CHMP3: variants seen among roughly 807,000 people sequenced by gnomAD.
The protein encoded by CHMP3 is charged multivesicular body protein 3, also known as 25.1 protein.
In CHMP3, 8 loss-of-function variants were observed where a neutral mutation model predicts 27.4. The ratio of observed to expected loss-of-function variants is 0.29; its 90% CI spans 0.17 to 0.53. CHMP3 has a LOEUF of 0.53. CHMP3 is among the 20% of genes least tolerant of loss of function. The pLI is 0.96. For missense variants in CHMP3, 208 were observed against 271.5 expected (o/e 0.77, Z 1.64); for synonymous variants, 86 against 85.5 (o/e 1.01, Z -0.03).
At chr2:86,560,045 C>T (rs974732632) in intron 1 of CHMP3, among the ~76,000 whole-genome samples, 1 of 152,144 alleles carries the variant, frequency 6.6e-6, no homozygotes, top group African/African-American at 2.4e-5. Flanking sequence ...GCGGGCAGAT[C>T]ACGAGGTCAG....
At chr2:86,562,685 A>G (rs1287592063) in intron 1 of CHMP3, 1 of 152,180 alleles carries the variant, frequency 6.6e-6, no homozygotes, top group Non-Finnish European at 1.5e-5. Flanking sequence ...TTGCCTCCCA[A>G]TATTATCTCA....
chr2:86,523,041 C>G (rs191728330), intron 3 of CHMP3, among the ~76,000 whole-genome samples: 1 of 152,252 alleles, frequency 6.6e-6, no homozygotes, highest in Admixed American at 6.5e-5. Context: ...TGCACTTTAT[C>G]TGCATTGCTA....
At chr2:86,520,019 T>G (rs1269903777) in intron 3 of CHMP3, among the ~76,000 whole-genome samples, 1 of 152,214 alleles carries the variant, frequency 6.6e-6, no homozygotes, top group Non-Finnish European at 1.5e-5. Context: ...GTGTGTGGTA[T>G]GTATAAAATG....
chr2:86,512,259 A>AC (rs976574856), intron 3 of CHMP3: 2 of 152,216 alleles, frequency 1.3e-5, no homozygotes, highest in African/African-American at 2.4e-5. Context: ...AAAAGGGCCT[A>AC]CAGGAGGCAG....
In CHMP3 at chr2:86,526,924, G is replaced by A. The variant is rs148365814; in HGVS notation, c.286+2294C>T. ...ACGATGATAAATGGAGCAAAAAGAC[G>A]CAGAATGGTATCTATAGTATGATAC... On this transcript the variant is annotated intron_variant, in intron 3 of 5. Coordinates refer to ENST00000263856, the MANE Select transcript of CHMP3 (RefSeq NM_016079.4). The A allele has an allele frequency of 5.9e-5, 9 of 152,092 alleles. No homozygotes were observed. The East Asian group carries it at 1.4e-3, about 23-fold the overall frequency. 9.4% of individuals were successfully genotyped at this position (152,092 alleles called of 1,614,324 possible). A position where few individuals can be genotyped will look rare whatever the true frequency, so the allele number is the denominator to read the frequency against.
chr2:86,522,251 G>C (rs2103921957), intron 3 of CHMP3, among the ~76,000 whole-genome samples: 1 of 152,242 alleles, frequency 6.6e-6, no homozygotes, highest in African/African-American at 2.4e-5. Context: ...GGTGGGATGG[G>C]GCCATAGAAA....
Position 86,526,661 on chromosome 2 carries a change from G to GCT in CHMP3, c.286+2555_286+2556dup, listed in dbSNP as rs140412089. Among the ~76,000 whole-genome samples the GCT allele has an allele frequency of 4.4e-3, 659 of 150,958 alleles. 5 individuals are homozygous for GCT. The highest frequency in any genetic ancestry group is 0.014 in the African/African-American group (564 of 41,194). On this transcript the variant is annotated intron_variant, in intron 3 of 5. Transcript: ENST00000263856. ...AGTTCAAATCAATGGACTAGAGCATGCTCTCTCTCTCTCTCTCTCTCTATA... is the reference window on the plus strand; with the variant it reads ...AGTTCAAATCAATGGACTAGAGCATGCTCTCTCTCTCTCTCTCTCTCTCTATA...
At chr2:86,542,079 ATCTT>A (rs780676342) in intron 2 of CHMP3, among the ~76,000 whole-genome samples, 169 bp downstream of exon 2, 168 of 152,292 alleles carry the variant, frequency 1.1e-3, no homozygotes, top group Non-Finnish European at 1.6e-3. Flanking sequence ...CTAACTCATT[ATCTT>A]TTTTTAATAC....
intron 3 of CHMP3, among the ~76,000 whole-genome samples, chr2:86,513,825 C>T (rs1245722134): frequency 2.0e-5 from 3 of 152,210 alleles, no homozygotes; most frequent in Non-Finnish European, 4.4e-5. Flanking sequence ...ATCTACAAAA[C>T]CAACCTGCCA....
chr2:86,544,365 T>C (rs867751219), intron 1 of CHMP3, among the ~76,000 whole-genome samples: 9 of 151,876 alleles, frequency 5.9e-5, no homozygotes, highest in East Asian at 1.9e-4. Flanking sequence ...TTAGTACTTA[T>C]TGATCATTCT....
chr2:86,520,542 T>C (rs532203753), intron 3 of CHMP3, among the ~76,000 whole-genome samples: 1 of 152,286 alleles, frequency 6.6e-6, no homozygotes, highest in African/African-American at 2.4e-5. Flanking sequence ...AGGATCACAA[T>C]TCAACATGAG....
intron 1 of CHMP3, among the ~76,000 whole-genome samples, chr2:86,559,683 T>C (rs1677269841): frequency 6.6e-6 from 1 of 152,174 alleles, no homozygotes; most frequent in Admixed American, 6.5e-5. Context: ...CAAAACTGAA[T>C]GGGTACCTTG....
At position 86,503,712 on chromosome 2, in the gene CHMP3, A is replaced by G. The variant is rs1162679160; in HGVS notation, c.*2092T>C. 1 of 152,246 alleles carries G rather than the reference A, an allele frequency of 6.6e-6. No homozygotes were observed. The highest frequency in any genetic ancestry group is 1.5e-5 in the Non-Finnish European group (1 of 68,044). 9.4% of individuals were successfully genotyped at this position (152,246 alleles called of 1,614,324 possible). A position where few individuals can be genotyped will look rare whatever the true frequency, so the allele number is the denominator to read the frequency against. ...AGCCAGTCTGAAAAGGCTACATACTATATGATTCCAATATGACATTCTAGA... is the reference window on the plus strand; with the variant it reads ...AGCCAGTCTGAAAAGGCTACATACTGTATGATTCCAATATGACATTCTAGA... On this transcript the variant is annotated 3_prime_UTR_variant, in exon 6 of 6. Coordinates refer to ENST00000263856, the MANE Select transcript of CHMP3 (RefSeq NM_016079.4).
intron 3 of CHMP3, among the ~76,000 whole-genome samples, chr2:86,528,177 C>A (rs529740568): frequency 6.6e-6 from 1 of 152,010 alleles, no homozygotes; most frequent in Non-Finnish European, 1.5e-5. Flanking sequence ...ACCTTCAGAA[C>A]GAAATACAAC....
At chr2:86,521,450 C>G (rs931125634) in intron 3 of CHMP3, among the ~76,000 whole-genome samples, 2 of 152,108 alleles carry the variant, frequency 1.3e-5, no homozygotes, top group Non-Finnish European at 2.9e-5. Context: ...AAATTTGTAA[C>G]TTTTATCCAT....
chr2:86,561,115 GAAGTT>G lies in CHMP3; in HGVS notation c.45+2184_45+2188del, dbSNP rs964583629. Among the ~76,000 whole-genome samples, 14 of 152,316 alleles carry G rather than the reference GAAGTT, an allele frequency of 9.2e-5. No individual in the cohort carries two copies. In the South Asian group the frequency reaches 1.9e-3, roughly 20 times the overall value. ...CTTAAAATGTTTATCTTACTTGCTA[GAAGTT>G]AAGTTCTTTGGCTTCTTATTTCACC... On this transcript the variant is annotated intron_variant, in intron 1 of 5. Transcript: ENST00000263856.
chr2:86,533,976 A>C (rs1030507705), intron 2 of CHMP3, among the ~76,000 whole-genome samples: 1 of 152,046 alleles, frequency 6.6e-6, no homozygotes, highest in South Asian at 2.1e-4. Context: ...ATTTCCATAC[A>C]TCTGTGAATT....
intron 3 of CHMP3, among the ~76,000 whole-genome samples, chr2:86,521,604 C>T (rs1675526123): frequency 6.6e-6 from 1 of 152,028 alleles, no homozygotes; most frequent in East Asian, 1.9e-4. Flanking sequence ...TTCCCCTTAC[C>T]CTTGGCAACC....
intron 1 of CHMP3, among the ~76,000 whole-genome samples, chr2:86,553,975 T>C (rs553163587): frequency 3.9e-5 from 6 of 152,360 alleles, no homozygotes; most frequent in South Asian, 2.1e-4. Context: ...CAAATTCGTA[T>C]GTTGAAATCC....
Sources: gnomAD v4.1 joint callset for allele counts (sites outside exome capture counted in the v4.1 genomes callset) on GRCh38, gnomAD v4.1.1 for gene constraint, MANE v1.5 for transcripts, NCBI Gene and HGNC (gene_info 2026-07-23, HGNC 2026-07-21) for gene names.